The following DIAPH2 variants were observed in gnomAD, a reference collection of about 807,000 sequenced individuals.
DIAPH2 encodes diaphanous related formin 2, also known as protein diaphanous homolog 2.
A neutral mutation model predicts 92.7 loss-of-function variants in DIAPH2; 35 were observed. That is an observed-to-expected ratio of 0.38 (90% CI 0.29 to 0.50). DIAPH2 has a LOEUF of 0.50. DIAPH2 is among the 20% of genes least tolerant of loss of function. The pLI is 0.94. For synonymous variants in DIAPH2, 301 were observed against 280.4 expected (o/e 1.07, Z -0.73); for missense variants, 701 against 819.5 (o/e 0.86, Z 1.77).
At chrX:96,843,137 G>A (rs2147703836) in intron 4 of DIAPH2, among the ~76,000 whole-genome samples, 1 of 111,122 alleles carries the variant, frequency 9.0e-6, no homozygotes, top group East Asian at 2.8e-4. Flanking sequence ...CCCTGGTACT[G>A]TCCTTGAGAT....
intron 4 of DIAPH2, among the ~76,000 whole-genome samples, chrX:96,859,052 A>C (rs1039966422): frequency 1.8e-5 from 2 of 112,014 alleles, no homozygotes; most frequent in Non-Finnish European, 1.9e-5. Flanking sequence ...AAGATAAGTC[A>C]ATGGTTGACT....
At chrX:97,410,914 G>A (rs1010210335) in intron 25 of DIAPH2, among the ~76,000 whole-genome samples, 28 of 111,832 alleles carry the variant, frequency 2.5e-4, no homozygotes, top group African/African-American at 8.8e-4. Context: ...GTGAAAAGGC[G>A]AAATCTACAT....
At chrX:97,090,298 CTTTTTTTTTTTTTTTTTT>C (rs760073834) in intron 19 of DIAPH2, among the ~76,000 whole-genome samples, 15 of 38,857 alleles carry the variant, frequency 3.9e-4, no homozygotes, top group African/African-American at 1.1e-3. Context: ...TCTCTGATCC[CTTTTTTTTTTTTTTTTTT>C]TTTTTTTTTT....
In DIAPH2 at chrX:96,690,639, T is replaced by G. The variant is rs147000148; in HGVS notation, c.132+5449T>G. Among the ~76,000 whole-genome samples the G allele has an allele frequency of 4.8e-3, 541 of 112,154 alleles. 3 individuals are homozygous for G. The highest frequency in any genetic ancestry group is 0.017 in the African/African-American group (513 of 30,901). ...TACCATTTGTCCCTTTGGAGGAATA[T>G]GCATTCTATCCTTTTACTAAGATTT... On this transcript the variant is annotated intron_variant, in intron 1 of 26. Coordinates refer to ENST00000324765, the MANE Select transcript of DIAPH2 (RefSeq NM_006729.5).
At chrX:96,892,796 G>A (rs2065316536) in intron 5 of DIAPH2, among the ~76,000 whole-genome samples, 2 of 111,350 alleles carry the variant, frequency 1.8e-5, no homozygotes, top group African/African-American at 6.5e-5. Context: ...CTCCACCAAG[G>A]CAATACATTT....
At chrX:97,234,844 G>A (rs186207081) in intron 22 of DIAPH2, among the ~76,000 whole-genome samples, 75 of 111,702 alleles carry the variant, frequency 6.7e-4, no homozygotes, top group African/African-American at 2.4e-3. Flanking sequence ...ATCTAGTCTA[G>A]CCAAGCAATG....
At chrX:96,884,197 C>CAGCTCGAAGCCTTCTGTGGAG (rs750227098) in intron 5 of DIAPH2, 31 of 578,625 alleles carry the variant, frequency 5.4e-5, no homozygotes, top group African/African-American at 1.4e-4. Flanking sequence ...GCCTTTCGGA[C>CAGCTCGAAGCCTTCTGTGGAG]AGCTCGAAGC....
intron 26 of DIAPH2, among the ~76,000 whole-genome samples, chrX:97,511,837 C>A (rs1365125650): frequency 1.8e-5 from 2 of 110,268 alleles, no homozygotes; most frequent in African/African-American, 6.6e-5. Flanking sequence ...ATTGAACCAG[C>A]CTTGCATCCC....
At chrX:97,579,488 C>T (rs796521495) in intron 26 of DIAPH2, among the ~76,000 whole-genome samples, 1 of 110,910 alleles carries the variant, frequency 9.0e-6, no homozygotes, top group Non-Finnish European at 1.9e-5. Flanking sequence ...AGATAGGCGG[C>T]GTTATTTCTG....
intron 26 of DIAPH2, among the ~76,000 whole-genome samples, chrX:97,572,980 C>T (rs772878363): frequency 8.9e-6 from 1 of 112,166 alleles, no homozygotes; most frequent in Non-Finnish European, 1.9e-5. Flanking sequence ...AAGCTTCTAA[C>T]ATATCTTCGT....
intron 4 of DIAPH2, among the ~76,000 whole-genome samples, chrX:96,803,962 C>T (rs776491537): frequency 4.7e-4 from 52 of 111,743 alleles, no homozygotes; most frequent in Non-Finnish European, 8.1e-4. Flanking sequence ...TCGCTTGAAC[C>T]CTGCAGGCGG....
At chrX:97,214,302 G>C (rs1405748979) in intron 22 of DIAPH2, among the ~76,000 whole-genome samples, 2 of 111,032 alleles carry the variant, frequency 1.8e-5, no homozygotes, top group African/African-American at 6.6e-5. Flanking sequence ...TGTGTGTATA[G>C]TGTTAAAAGT....
intron 1 of DIAPH2, among the ~76,000 whole-genome samples, chrX:96,720,159 A>T (rs1198040954): frequency 9.0e-6 from 1 of 111,256 alleles, no homozygotes; most frequent in East Asian, 2.8e-4. Flanking sequence ...GTCCTTAAAA[A>T]CTGTGTACAT....
At chrX:97,327,421 T>C (rs1177478783) in intron 23 of DIAPH2, among the ~76,000 whole-genome samples, 1 of 108,261 alleles carries the variant, frequency 9.2e-6, no homozygotes, top group Non-Finnish European at 1.9e-5. Context: ...TTGTTATTTA[T>C]TGTTGTTTTT....
At chrX:97,190,576 TG>T (rs2067644216) in intron 22 of DIAPH2, among the ~76,000 whole-genome samples, 1 of 111,680 alleles carries the variant, frequency 9.0e-6, no homozygotes. Flanking sequence ...CGGCCAGGCA[TG>T]GTGGCTCACG....
At chrX:97,257,462 C>T (rs185935922) in intron 23 of DIAPH2, among the ~76,000 whole-genome samples, 37 of 111,592 alleles carry the variant, frequency 3.3e-4, no homozygotes, top group Non-Finnish European at 6.2e-4. Flanking sequence ...AACAAACCCT[C>T]TTTATCGTAT....
chrX:97,417,961 C>T (rs945029879), intron 25 of DIAPH2, among the ~76,000 whole-genome samples: 9 of 111,103 alleles, frequency 8.1e-5, no homozygotes, highest in East Asian at 2.8e-4. Flanking sequence ...TAAACAAGTA[C>T]CAGGATACCA....
intron 26 of DIAPH2, among the ~76,000 whole-genome samples, chrX:97,570,607 C>T (rs770268898): frequency 9.0e-6 from 1 of 110,657 alleles, no homozygotes; most frequent in South Asian, 3.9e-4. Flanking sequence ...AGTTAATCTC[C>T]TCTCTAGTGT....
intron 17 of DIAPH2, among the ~76,000 whole-genome samples, chrX:97,001,835 T>C (rs1053067763): frequency 2.6e-4 from 29 of 111,452 alleles, no homozygotes; most frequent in African/African-American, 8.8e-4. Flanking sequence ...TTTTTTCCAC[T>C]TTGCTTGACA....
Sources: gnomAD v4.1 joint callset for allele counts (sites outside exome capture counted in the v4.1 genomes callset) on GRCh38, gnomAD v4.1.1 for gene constraint, MANE v1.5 for transcripts, NCBI Gene and HGNC (gene_info 2026-07-23, HGNC 2026-07-21) for gene names.